ITGB5: variants seen among roughly 807,000 people sequenced by gnomAD.
ITGB5 encodes integrin subunit beta 5.
In ITGB5, 38 loss-of-function variants were observed where a neutral mutation model predicts 84.8. That is an observed-to-expected ratio of 0.45 (90% CI 0.35 to 0.59). The LOEUF is 0.59. ITGB5 is among the 20% of genes least tolerant of loss of function. The probability of loss-of-function intolerance (pLI) is 0.01; values close to 1 mark genes in which losing one functional copy is unlikely to be tolerated. For missense variants in ITGB5, 905 were observed against 1,034.5 expected (o/e 0.87, Z 1.72); for synonymous variants, 393 against 414.4 (o/e 0.95, Z 0.63).
intron 1 of ITGB5, among the ~76,000 whole-genome samples, chr3:124,896,790 G>A (rs1040975625): frequency 1.0e-4 from 15 of 149,538 alleles, no homozygotes; most frequent in African/African-American, 2.7e-4. Context: ...GGGCATGCAC[G>A]TGGCTCATGC....
At chr3:124,788,329 C>T (rs1281878370) in intron 10 of ITGB5, among the ~76,000 whole-genome samples, 1 of 152,166 alleles carries the variant, frequency 6.6e-6, no homozygotes, top group African/African-American at 2.4e-5. Flanking sequence ...ATTTCCTTTC[C>T]ATTATATAAG....
rs1304354262 is a variant in ITGB5 at position 124,887,045 on chromosome 3, G to GGGGGCCGGCGGCCGGGGCT, written c.-64_-46dup. On this transcript the variant is annotated 5_prime_UTR_variant, in exon 1 of 15. An upstream open reading frame in the 5' UTR loses its in-frame stop. Coordinates refer to ENST00000296181, the MANE Select transcript of ITGB5 (RefSeq NM_002213.5). ...CGGCGGCGCGGTCGCTGCACTCCGCGGGGGCCGGCGGCCGGGGCTGGGGCC... is the reference window on the plus strand; with the variant it reads ...CGGCGGCGCGGTCGCTGCACTCCGCGGGGGCCGGCGGCCGGGGCTGGGGCCGGCGGCCGGGGCTGGGGCC... 1 of 956,808 alleles carries GGGGGCCGGCGGCCGGGGCT rather than the reference G, an allele frequency of 1.0e-6. No homozygotes were observed. The highest frequency in any genetic ancestry group is 1.3e-6 in the Non-Finnish European group (1 of 787,790). 59.3% of individuals were successfully genotyped at this position (956,808 alleles called of 1,614,324 possible).
intron 10 of ITGB5, among the ~76,000 whole-genome samples, chr3:124,782,861 C>CA (rs1415441163): frequency 5.5e-5 from 8 of 145,140 alleles, no homozygotes; most frequent in African/African-American, 7.8e-5. Context: ...AACTCCGTCT[C>CA]AAAAAAAAGA....
intron 4 of ITGB5, among the ~76,000 whole-genome samples, chr3:124,845,112 A>C (rs2065059801): frequency 6.6e-6 from 1 of 152,232 alleles, no homozygotes; most frequent in African/African-American, 2.4e-5. Context: ...AAGGATCCAC[A>C]ATTCAAGAAA....
At chr3:124,821,596 G>C in intron 5 of ITGB5, 122 bp from the exon 6 acceptor site, 1 of 1,069,926 alleles carries the variant, frequency 9.3e-7, no homozygotes, top group Non-Finnish European at 1.4e-6. Flanking sequence ...CTTGCCATGT[G>C]TACCTGGGGC....
At chr3:124,847,872 G>A (rs897577980) in intron 4 of ITGB5, among the ~76,000 whole-genome samples, 3 of 152,074 alleles carry the variant, frequency 2.0e-5, no homozygotes, top group South Asian at 4.1e-4. Flanking sequence ...ATCTAATTAT[G>A]TGAAAATAAG....
intron 3 of ITGB5, among the ~76,000 whole-genome samples, chr3:124,853,307 A>C (rs2065181784): frequency 1.3e-5 from 2 of 152,242 alleles, no homozygotes; most frequent in African/African-American, 4.8e-5. Context: ...TCCAGTCACT[A>C]CAGCAGAAGG....
At chr3:124,809,820 TAA>T (rs1221685128) in intron 8 of ITGB5, among the ~76,000 whole-genome samples, 2 of 152,080 alleles carry the variant, frequency 1.3e-5, no homozygotes, top group Non-Finnish European at 2.9e-5. Context: ...AGAAAAAAAG[TAA>T]AGTTTTTTTC....
At chr3:124,767,883 G>A (rs1161813815) in intron 12 of ITGB5, among the ~76,000 whole-genome samples, 2 of 152,124 alleles carry the variant, frequency 1.3e-5, no homozygotes, top group South Asian at 4.2e-4. Context: ...ACCAGCCTGG[G>A]CAACATGGTG....
At chr3:124,788,909 T>C (rs984457384) in intron 10 of ITGB5, among the ~76,000 whole-genome samples, 2 of 152,174 alleles carry the variant, frequency 1.3e-5, no homozygotes, top group Non-Finnish European at 2.9e-5. Flanking sequence ...CCTAGGTTCA[T>C]TCAAAAGGTA....
intron 10 of ITGB5, among the ~76,000 whole-genome samples, chr3:124,788,057 G>A (rs1188970097): frequency 6.6e-6 from 1 of 151,974 alleles, no homozygotes; most frequent in Admixed American, 6.6e-5. Flanking sequence ...ACAGGCACAC[G>A]CCACCATGCC....
intron 1 of ITGB5, among the ~76,000 whole-genome samples, chr3:124,900,753 G>A (rs1166904617): frequency 1.3e-5 from 2 of 152,030 alleles, no homozygotes; most frequent in African/African-American, 4.8e-5. Context: ...CACCTCCCAC[G>A]GGTGGCATTT....
intron 4 of ITGB5, 54 bp from the exon 5 acceptor site, chr3:124,841,605 C>A: frequency 1.3e-6 from 2 of 1,578,352 alleles, no homozygotes; most frequent in South Asian, 1.2e-5. Context: ...TAAATCTTAA[C>A]CAAGTGTTCT....
At chr3:124,778,246 G>A (rs1386971923) in intron 10 of ITGB5, among the ~76,000 whole-genome samples, 2 of 152,204 alleles carry the variant, frequency 1.3e-5, no homozygotes, top group East Asian at 3.8e-4. Flanking sequence ...TAGTACCTTT[G>A]TTACAATGAT....
At chr3:124,844,237 A>G (rs1457475836) in intron 4 of ITGB5, among the ~76,000 whole-genome samples, 4 of 150,010 alleles carry the variant, frequency 2.7e-5, no homozygotes, top group African/African-American at 9.8e-5. Flanking sequence ...AAAAAAGAAA[A>G]CACCAAAAAA....
At chr3:124,864,041 GA>G (rs2065345452) in intron 2 of ITGB5, among the ~76,000 whole-genome samples, 4 of 88,182 alleles carry the variant, frequency 4.5e-5, no homozygotes, top group African/African-American at 8.3e-5. Flanking sequence ...AGAAAGAAAA[GA>G]AAAAAGAAAA....
In ITGB5 at chr3:124,852,056, C is replaced by T. The variant is rs893162971; in HGVS notation, c.362-3498G>A. On this transcript the variant is annotated intron_variant, in intron 3 of 14. Transcript: ENST00000296181. Reference sequence around the variant, plus strand: ...CCAGAACCATGCACGCTTAAGCACTCTCCTCCCTTCCAACTCCTTCCCGGC... The same window carrying T: ...CCAGAACCATGCACGCTTAAGCACTTTCCTCCCTTCCAACTCCTTCCCGGC... Among the ~76,000 whole-genome samples the T allele has an allele frequency of 2.0e-5, 3 of 152,196 alleles. No individual in the cohort carries two copies. The South Asian group carries it at 6.2e-4, about 31-fold the overall frequency.
intron 9 of ITGB5, among the ~76,000 whole-genome samples, chr3:124,799,952 G>T (rs904019219): frequency 6.6e-6 from 1 of 152,216 alleles, no homozygotes; most frequent in Non-Finnish European, 1.5e-5. Flanking sequence ...ATTTGAGCCT[G>T]CAGATAGGAT....
intron 11 of ITGB5, 91 bp downstream of exon 11, chr3:124,773,599 G>C: frequency 8.5e-7 from 1 of 1,169,800 alleles, no homozygotes; most frequent in Non-Finnish European, 1.2e-6. Flanking sequence ...GAGGTGAGGA[G>C]TGGAGGCTAG....
Sources: allele counts gnomAD v4.1 joint callset (sites outside exome capture counted in the v4.1 genomes callset), GRCh38; gene constraint gnomAD v4.1.1; transcripts MANE v1.5; gene names NCBI Gene and HGNC (gene_info 2026-07-23, HGNC 2026-07-21).